DMD: variants seen among roughly 807,000 people sequenced by gnomAD.
DMD encodes the protein dystrophin, also known as mutant dystrophin.
A neutral mutation model predicts 330.1 loss-of-function variants in DMD; 63 were observed. That is an observed-to-expected ratio of 0.19 (90% confidence interval 0.16 to 0.24). The LOEUF (loss-of-function observed/expected upper bound fraction) is 0.24. Among genes scored for constraint, DMD ranks in the 10% least tolerant of loss-of-function variants. The probability of loss-of-function intolerance (pLI) is 1.00; values close to 1 mark genes in which losing one functional copy is unlikely to be tolerated. For missense variants in DMD, 3,344 were observed against 2,684.1 expected (o/e 1.25, Z -5.43); for synonymous variants, 1,223 against 959.8 (o/e 1.27, Z -5.07).
intron 67 of DMD, among the ~76,000 whole-genome samples, chrX:31,194,989 A>G (rs138273342): frequency 0.057 from 6,375 of 111,946 alleles, 181 homozygotes; most frequent in East Asian, 0.17. Context: ...AATGAGTTTA[A>G]GAGTCCCCAC....
chrX:31,200,540 A>G (rs777011182), intron 67 of DMD, among the ~76,000 whole-genome samples: 1 of 112,423 alleles, frequency 8.9e-6, no homozygotes. Flanking sequence ...CAATGGTAAC[A>G]ATATTATTTA....
At chrX:32,514,266 A>G (rs763308890) in intron 18 of DMD, among the ~76,000 whole-genome samples, 4 of 109,504 alleles carry the variant, frequency 3.7e-5, no homozygotes, top group African/African-American at 1.0e-4. Context: ...TACTATGAGC[A>G]CAAATACCCA....
intron 60 of DMD, among the ~76,000 whole-genome samples, chrX:31,382,723 A>G (rs2060243385): frequency 9.1e-6 from 1 of 110,269 alleles, no homozygotes; most frequent in Non-Finnish European, 1.9e-5. Flanking sequence ...ACCCCACAAT[A>G]TCACCCCTTA....
At chrX:31,665,940 A>C (rs2081399626) in intron 53 of DMD, among the ~76,000 whole-genome samples, 2 of 111,983 alleles carry the variant, frequency 1.8e-5, no homozygotes, top group South Asian at 7.5e-4. Context: ...CCTTAATTTC[A>C]TTATGACATT....
intron 7 of DMD, among the ~76,000 whole-genome samples, chrX:32,742,091 G>A (rs912786115): frequency 9.0e-6 from 1 of 111,275 alleles, no homozygotes; most frequent in African/African-American, 3.3e-5. Context: ...CTATGGTGCC[G>A]TACACTTGGC....
chrX:31,679,242 T>G lies in DMD; in HGVS notation c.7872+133A>C, dbSNP rs747045470. 5 of 603,212 alleles carry G rather than the reference T, an allele frequency of 8.3e-6. No homozygotes were observed. In the African/African-American group the frequency reaches 1.1e-4, roughly 14 times the overall value. The allele number at this position is 603,212 out of a possible 1,213,427, so 49.7% of individuals were successfully genotyped here. On this transcript the variant is annotated intron_variant, in intron 53 of 78. Coordinates refer to ENST00000357033, the MANE Select transcript of DMD (RefSeq NM_004006.3). ...TCTAAGAAAATAAATATACAAAGTC[T>G]ACTGTTCATTTCAGCTTTAACGTGA... is the stretch of plus-strand genomic sequence containing the variant.
At chrX:32,444,665 A>C (rs2098296217) in intron 27 of DMD, among the ~76,000 whole-genome samples, 1 of 110,931 alleles carries the variant, frequency 9.0e-6, no homozygotes, top group Admixed American at 9.6e-5. Flanking sequence ...CCTACATTTC[A>C]TTTTGGGAGA....
intron 7 of DMD, among the ~76,000 whole-genome samples, chrX:32,762,259 G>A (rs1231375289): frequency 9.0e-6 from 1 of 110,781 alleles, no homozygotes; most frequent in African/African-American, 3.3e-5. Flanking sequence ...CAGGAGAAAT[G>A]AAACTCTATC....
chrX:31,883,551 C>T (rs1295377020), intron 47 of DMD, among the ~76,000 whole-genome samples: 2 of 111,472 alleles, frequency 1.8e-5, no homozygotes, highest in Non-Finnish European at 3.8e-5. Flanking sequence ...CAAAATGCTA[C>T]TTCTATGAAT....
chrX:32,065,473 C>T (rs1007932391), intron 44 of DMD, among the ~76,000 whole-genome samples: 6 of 111,870 alleles, frequency 5.4e-5, no homozygotes, highest in African/African-American at 1.9e-4. Flanking sequence ...TTATAAATTG[C>T]TGCAGTTACA....
At position 33,332,600 on chromosome X, in the gene DMD, C is replaced by T. The variant is rs184014536; in HGVS notation, c.7+6659G>A. Among the ~76,000 whole-genome samples the T allele has an allele frequency of 3.0e-3, 335 of 111,133 alleles. 1 individual carries two copies. The highest frequency in any genetic ancestry group is 8.1e-3 in the African/African-American group (250 of 30,724). ...TTAAAGACTTTTGGCTATTTGATGA[C>T]ACCTTGAACATATACTTTGAATCTA... On this transcript the variant is annotated intron_variant, in intron 1 of 17. Transcript: ENST00000288447.
chrX:32,439,433 C>G (rs922494911), intron 28 of DMD, among the ~76,000 whole-genome samples: 7 of 111,150 alleles, frequency 6.3e-5, no homozygotes, highest in African/African-American at 2.3e-4. Flanking sequence ...AATAATTTTC[C>G]TAATAATTTA....
intron 2 of DMD, among the ~76,000 whole-genome samples, chrX:32,863,980 A>G (rs2082288641): frequency 8.9e-6 from 1 of 112,468 alleles, no homozygotes; most frequent in Non-Finnish European, 1.9e-5. Flanking sequence ...ATAGGATACA[A>G]TATTTAAAGA....
At chrX:32,660,241 TA>T (rs372260402) in intron 9 of DMD, among the ~76,000 whole-genome samples, 171 of 106,282 alleles carry the variant, frequency 1.6e-3, no homozygotes, top group African/African-American at 5.6e-3. Context: ...TATTTTCAAG[TA>T]AAAAAAAAAC....
At position 31,479,059 on chromosome X, in the gene DMD, A is replaced by C; in HGVS notation, c.8592T>G (p.Ser2864Arg). The change falls in exon 58 of 79, where the codon AGT (serine) becomes AGG (arginine). Residue 2864 changes from serine (S) to arginine (R), a missense_variant. Physicochemically the swap from Ser to Arg is moderately radical, Grantham distance 110. Transcript: ENST00000357033. ...GAAATATTCGTACAGTCTCAAGAGT[A>C]CTCATGATTACAGGTTCTTTAGTTT... The part of the protein sequence containing the change: ...ELKTKEPVIM[S>R]TLETVRIFLT... 8.3e-7 allele frequency: 1 copy of C among 1,207,529 alleles called. No homozygotes were observed. Among genetic ancestry groups the C allele is most frequent in the Non-Finnish European group, 1.1e-6 (1 of 892,004 alleles).
chrX:32,719,528 T>C (rs930188659), intron 7 of DMD, among the ~76,000 whole-genome samples: 1 of 111,537 alleles, frequency 9.0e-6, no homozygotes, highest in African/African-American at 3.3e-5. Flanking sequence ...AACCTTAGTA[T>C]TGCAAAGTTT....
At chrX:33,056,039 A>C (rs2094512926) in intron 1 of DMD, among the ~76,000 whole-genome samples, 1 of 110,208 alleles carries the variant, frequency 9.1e-6, no homozygotes, top group South Asian at 3.9e-4. Context: ...GAGAATTTAC[A>C]TTTCTTACAA....
chrX:31,414,160 T>C (rs971305459), intron 60 of DMD, among the ~76,000 whole-genome samples: 12 of 110,810 alleles, frequency 1.1e-4, no homozygotes, highest in African/African-American at 3.9e-4. Flanking sequence ...ATTACAGGCA[T>C]GCACCACCAC....
In DMD at chrX:32,177,377, T is replaced by C. The variant is rs776678236; in HGVS notation, c.6438+39539A>G. ...CCAGGTTCTAGCCCCATCTCCTCTT[T>C]AGCTTGGTCTCTTGAACATCTTTCT... On this transcript the variant is annotated intron_variant, in intron 44 of 78. Transcript: ENST00000357033. Among the ~76,000 whole-genome samples the C allele has an allele frequency of 7.1e-5, 8 of 111,920 alleles. No individual in the cohort carries two copies. In the South Asian group the frequency reaches 2.6e-3, roughly 37 times the overall value.
Sources: allele counts gnomAD v4.1 joint callset (sites outside exome capture counted in the v4.1 genomes callset), GRCh38; gene constraint gnomAD v4.1.1; transcripts MANE v1.5; gene names NCBI Gene and HGNC (gene_info 2026-07-23, HGNC 2026-07-21).